The following PKNOX1 variants were observed in gnomAD, a reference collection of about 807,000 sequenced individuals.
PKNOX1 encodes the protein PBX/knotted 1 homeobox 1.
PKNOX1 carries 15 observed loss-of-function variants against 51.9 expected under a neutral mutation model. The observed-to-expected ratio is 0.29, with a 90% CI of 0.19 to 0.45. The LOEUF is 0.45. PKNOX1 is among the 20% of genes least tolerant of loss of function. The pLI is 1.00. For missense variants in PKNOX1, 462 were observed against 547.5 expected, an observed-to-expected ratio of 0.84 and a Z score of 1.56; for synonymous variants, 219 against 211.1, an observed-to-expected ratio of 1.04 and a Z score of -0.32.
chr21:42,992,095 C>T (rs895728917), intron 1 of PKNOX1, among the ~76,000 whole-genome samples: 6 of 152,222 alleles, frequency 3.9e-5, no homozygotes, highest in African/African-American at 9.6e-5. Context: ...GAGCGTCTTT[C>T]GTGGTGCTTG....
intron 6 of PKNOX1, 86 bp from the exon 7 acceptor site, chr21:43,018,047 C>A (rs368429419): frequency 6.3e-4 from 176 of 279,914 alleles, no homozygotes; most frequent in East Asian, 1.3e-3. Context: ...CCTGTCTCTA[C>A]AAAAAAAAAA....
rs367734007 is a variant in PKNOX1 at position 42,986,373 on chromosome 21, T to C, written c.-57+11709T>C. 5.3e-5 allele frequency among the ~76,000 whole-genome samples: 8 copies of C among 152,228 alleles called. No individual in the cohort carries two copies. In the South Asian group the frequency reaches 6.2e-4, roughly 12 times the overall value. ...AAAATTAGCCAGGCATGGTGGCAGGTGCCTGTAATCCCAGCTACTGGGGAG... is the reference window on the plus strand; with the variant it reads ...AAAATTAGCCAGGCATGGTGGCAGGCGCCTGTAATCCCAGCTACTGGGGAG... On this transcript the variant is annotated intron_variant, in intron 1 of 10. Transcript: ENST00000291547.
At chr21:42,980,830 A>T (rs567458695) in intron 1 of PKNOX1, among the ~76,000 whole-genome samples, 1 of 152,228 alleles carries the variant, frequency 6.6e-6, no homozygotes, top group Non-Finnish European at 1.5e-5. Flanking sequence ...TCCAGGGCTT[A>T]TTGTCTGCCT....
chr21:42,982,705 T>C (rs558267071), intron 1 of PKNOX1, among the ~76,000 whole-genome samples: 6 of 131,704 alleles, frequency 4.6e-5, no homozygotes, highest in East Asian at 4.5e-4. Flanking sequence ...CACTCCAGCC[T>C]GGGCAACAAG....
chr21:42,986,286 A>G (rs1295074185), intron 1 of PKNOX1, among the ~76,000 whole-genome samples: 1 of 152,078 alleles, frequency 6.6e-6, no homozygotes, highest in Non-Finnish European at 1.5e-5. Flanking sequence ...GTGGATCATG[A>G]GGTCAGGAGT....
Position 43,030,260 on chromosome 21 carries a change from AGTGTGTGTGTGTGT to A in PKNOX1, c.*179_*192del, listed in dbSNP as rs9325621. On this transcript the variant is annotated 3_prime_UTR_variant, in exon 11 of 11. Coordinates refer to ENST00000291547, the MANE Select transcript of PKNOX1 (RefSeq NM_004571.5). ...TTTGCCGGTGCAGCGACTTCTTTCAAGTGTGTGTGTGTGTGTGTGTGTGTGTGTGTGTGCGTGTG... is the reference window on the plus strand; with the variant it reads ...TTTGCCGGTGCAGCGACTTCTTTCAAGTGTGTGTGTGTGTGTGTGCGTGTG... The A allele has an allele frequency of 0.049, 22,171 of 455,430 alleles. 523 individuals are homozygous for A. The highest frequency in any genetic ancestry group is 0.11 in the Middle Eastern group (200 of 1,740). The allele number at this position is 455,430 out of a possible 1,614,324, so 28.2% of individuals were successfully genotyped here. A position where few individuals can be genotyped will look rare whatever the true frequency, so the allele number is the denominator to read the frequency against.
In PKNOX1 at chr21:42,991,416, T is replaced by C. The variant is rs543436589; in HGVS notation, c.-56-12910T>C. Among the ~76,000 whole-genome samples the C allele has an allele frequency of 5.9e-5, 9 of 152,098 alleles. No homozygotes were observed. In the South Asian group the frequency reaches 1.9e-3, roughly 32 times the overall value. On this transcript the variant is annotated intron_variant, in intron 1 of 10. Transcript: ENST00000291547. ...GGCTTAACTATACAGAGAGGAGTTA[T>C]TTCAAGTGACTTCAAAACAAATTGT...
At chr21:43,024,113 G>T (rs1357466201) in intron 8 of PKNOX1, among the ~76,000 whole-genome samples, 3 of 152,146 alleles carry the variant, frequency 2.0e-5, no homozygotes, top group South Asian at 2.1e-4. Flanking sequence ...CCTGTCACCA[G>T]CCCTGGGTTC....
At chr21:43,012,963 A>G in intron 4 of PKNOX1, 105 bp from the exon 5 acceptor site, 1 of 847,472 alleles carries the variant, frequency 1.2e-6, no homozygotes, top group Non-Finnish European at 1.9e-6. Flanking sequence ...GGTTATTGGC[A>G]GTAGAGATGG....
At chr21:42,985,341 T>A (rs1345082763) in intron 1 of PKNOX1, among the ~76,000 whole-genome samples, 1 of 152,056 alleles carries the variant, frequency 6.6e-6, no homozygotes, top group Non-Finnish European at 1.5e-5. Flanking sequence ...TGTTTGTTTG[T>A]TTGTTTGTTT....
chr21:42,975,063 G>A (rs1180119581), intron 1 of PKNOX1, among the ~76,000 whole-genome samples: 1 of 144,364 alleles, frequency 6.9e-6, no homozygotes, highest in Non-Finnish European at 1.5e-5. Context: ...GGGGGCGCGC[G>A]GAGCCCGGCG....
At chr21:42,974,942 T>A (rs1187259799) in intron 1 of PKNOX1, among the ~76,000 whole-genome samples, 1 of 137,546 alleles carries the variant, frequency 7.3e-6, no homozygotes, top group Non-Finnish European at 1.6e-5. Context: ...TAGTGTGGGT[T>A]GAGGGACGCG....
chr21:43,028,621 G>A (rs1049255146), intron 9 of PKNOX1, 81 bp from the exon 10 acceptor site: 38 of 1,325,690 alleles, frequency 2.9e-5, no homozygotes, highest in Non-Finnish European at 3.7e-5. Flanking sequence ...AGAGCAGCGT[G>A]TTTGTTAGAA....
chr21:43,001,086 G>A (rs2146257328), intron 1 of PKNOX1, among the ~76,000 whole-genome samples: 1 of 152,320 alleles, frequency 6.6e-6, no homozygotes, highest in South Asian at 2.1e-4. Flanking sequence ...CCAGGTTATG[G>A]TCAAGGCGGA....
Position 42,993,778 on chromosome 21 carries a change from C to G in PKNOX1, c.-56-10548C>G, listed in dbSNP as rs377187371. On this transcript the variant is annotated intron_variant, in intron 1 of 10. Coordinates refer to ENST00000291547, the MANE Select transcript of PKNOX1 (RefSeq NM_004571.5). ...AACAGAGTCTCGTTCTGTTGCCTGG[C>G]CTGGAGTGCAGTGGTGCAGTCTGGG... Among the ~76,000 whole-genome samples the G allele has an allele frequency of 4.9e-5, 7 of 142,438 alleles. No individual in the cohort carries two copies. The South Asian group carries it at 6.7e-4, about 14-fold the overall frequency. 93.4% of individuals were successfully genotyped at this position (142,438 alleles called of 152,430 possible). A position where few individuals can be genotyped will look rare whatever the true frequency, so the allele number is the denominator to read the frequency against.
At chr21:43,011,613 G>A (rs2839617) in intron 4 of PKNOX1, among the ~76,000 whole-genome samples, 58,223 of 152,028 alleles carry the variant, frequency 0.38, 11,298 homozygotes, top group East Asian at 0.55. Context: ...TCAGAGCTGG[G>A]TACACAAAGA....
At chr21:43,011,329 A>T (rs1237898012) in intron 4 of PKNOX1, among the ~76,000 whole-genome samples, 2 of 151,778 alleles carry the variant, frequency 1.3e-5, no homozygotes, top group Non-Finnish European at 2.9e-5. Flanking sequence ...TCAGCCTCCC[A>T]AAGTGCAGGG....
chr21:42,984,098 G>C (rs1346311590), intron 1 of PKNOX1, among the ~76,000 whole-genome samples: 1 of 151,406 alleles, frequency 6.6e-6, no homozygotes, highest in African/African-American at 2.4e-5. Flanking sequence ...GTGTGTGTGT[G>C]TGTGTGTGTG....
rs181891269 is a variant in PKNOX1, at chr21:42,999,229, C to T, written c.-56-5097C>T. Among the ~76,000 whole-genome samples, 210 of 152,350 alleles carry T rather than the reference C, an allele frequency of 1.4e-3. 2 individuals are homozygous for T. Among genetic ancestry groups the T allele is most frequent in the Non-Finnish European group, 2.2e-3 (148 of 68,044 alleles). On this transcript the variant is annotated intron_variant, in intron 1 of 10. Transcript: ENST00000291547. ...GTTCTGCATTGGCCCTTTTCAGCCA[C>T]GGCTGGAGCAGCTGGGATGCAGGGC...
Sources: allele counts gnomAD v4.1 joint callset (sites outside exome capture counted in the v4.1 genomes callset), GRCh38; gene constraint gnomAD v4.1.1; transcripts MANE v1.5; gene names NCBI Gene and HGNC (gene_info 2026-07-23, HGNC 2026-07-21).